COL6A6: variants seen among roughly 807,000 people sequenced by gnomAD.
COL6A6 encodes the protein collagen type VI alpha 6 chain.
COL6A6 carries 183 observed loss-of-function variants against 208.6 expected under a neutral mutation model. The ratio of observed to expected loss-of-function variants is 0.88; its 90% confidence interval spans 0.78 to 0.99. The LOEUF (loss-of-function observed/expected upper bound fraction) is 0.99. Ranked by LOEUF, COL6A6 falls within the 50% of genes least tolerant of loss-of-function variation. COL6A6 has a pLI of 0.00. For synonymous variants in COL6A6, 973 were observed against 1,011.8 expected (o/e 0.96, Z 0.73); for missense variants, 2,816 against 2,815.2 (o/e 1.00, Z -0.01).
At chr3:130,586,392 AACTG>A (rs2063541968) in intron 10 of COL6A6, 110 bp from the exon 11 acceptor site, 1 of 887,378 alleles carries the variant, frequency 1.1e-6, no homozygotes, top group Non-Finnish European at 1.7e-6. Context: ...GTGGACAGTA[AACTG>A]ACTGTTCTTC....
chr3:130,571,145 G>T lies in COL6A6; in HGVS notation c.2729G>T (p.Gly910Val), dbSNP rs778935152. Residue 910 changes from glycine to valine, a missense_variant, in exon 7 of 37, where the codon GGG becomes GTG. Coordinates refer to ENST00000358511, the MANE Select transcript of COL6A6 (RefSeq NM_001102608.3). ...TEARGSRLNK[G>V]VPQVLIVITD... ...GCCCGGGGCAGCCGCCTGAACAAGG[G>T]GGTCCCCCAAGTCCTCATTGTGATC... The T allele has an allele frequency of 1.2e-6, 2 of 1,613,736 alleles. No individual in the cohort carries two copies. Among genetic ancestry groups the T allele is most frequent in the Non-Finnish European group, 1.7e-6 (2 of 1,179,724 alleles).
chr3:130,542,857 G>A (rs532834369), intron 1 of COL6A6, among the ~76,000 whole-genome samples: 14 of 140,780 alleles, frequency 9.9e-5, no homozygotes, highest in African/African-American at 3.7e-4. Context: ...GCTTTATTTT[G>A]CTTAGTGTTA....
At position 130,661,854 on chromosome 3, in the gene COL6A6, T is replaced by TC. The variant is rs745966034; in HGVS notation, c.6054dup (p.Asp2019ArgfsTer12). ...ACCGGGTGGCCCTATTGAGCCATGC[T>TC]CCCCCCGACTTCCTACCCAACACTC... is the stretch of plus-strand genomic sequence containing the variant. On this transcript the variant is annotated frameshift_variant, in exon 35 of 37. Transcript: ENST00000358511. LOFTEE classifies it high-confidence loss of function. 2.5e-6 allele frequency: 4 copies of TC among 1,613,342 alleles called. No homozygotes were observed. The highest frequency in any genetic ancestry group is 3.4e-6 in the Non-Finnish European group (4 of 1,179,780).
intron 20 of COL6A6, 148 bp downstream of exon 20, chr3:130,599,958 TG>T (rs2063963320): frequency 9.6e-6 from 7 of 729,094 alleles, no homozygotes; most frequent in Non-Finnish European, 1.7e-5. Context: ...AGACCAGGGC[TG>T]GCAAAGGACT....
At chr3:130,595,715 G>A (rs2063832550) in intron 18 of COL6A6, among the ~76,000 whole-genome samples, 1 of 152,138 alleles carries the variant, frequency 6.6e-6, no homozygotes, top group Non-Finnish European at 1.5e-5. Flanking sequence ...CTAATGATAG[G>A]TGGGTTGCTC....
At position 130,582,047 on chromosome 3, in the gene COL6A6, T is replaced by A. The variant is rs2063437323; in HGVS notation, c.3949T>A (p.Ser1317Thr). The change falls in exon 10 of 37, where the codon TCT (serine) becomes ACT (threonine). Residue 1317 changes from serine to threonine, a missense_variant. Physicochemically the swap from Ser to Thr is moderately conservative, Grantham distance 58. Coordinates refer to ENST00000358511, the MANE Select transcript of COL6A6 (RefSeq NM_001102608.3). ...DDDVEKLEQK[S>T]DELRKEGLNA... ...TGATGTTGAGAAACTTGAACAAAAA[T>A]CTGATGAACTTAGAAAAGAAGGTAC... is the stretch of plus-strand genomic sequence containing the variant. The A allele has an allele frequency of 1.9e-6, 3 of 1,601,998 alleles. No homozygotes were observed. In the African/African-American group the frequency reaches 4.0e-5, roughly 21 times the overall value.
In COL6A6 at chr3:130,563,513, T is replaced by C. The variant is rs368978984; in HGVS notation, c.510T>C (p.Ser170=). ...TCTCTGTAGGGGTGCAGAAAGCTTC[T>C]GAGGAAAACCTGAAGGCCATGGCCA... ...KIISVGVQKA[S]EENLKAMATS... The change falls in exon 3 of 37, where the codon TCT becomes TCC. Residue 170 remains serine (S), a synonymous_variant. Coordinates refer to ENST00000358511, the MANE Select transcript of COL6A6 (RefSeq NM_001102608.3). 1.2e-5 allele frequency: 20 copies of C among 1,613,894 alleles called. No homozygotes were observed. The highest frequency in any genetic ancestry group is 1.7e-5 in the Admixed American group (1 of 60,006).
intron 19 of COL6A6, among the ~76,000 whole-genome samples, chr3:130,598,738 G>A (rs958362598): frequency 6.6e-5 from 10 of 152,290 alleles, no homozygotes; most frequent in African/African-American, 2.2e-4. Context: ...AGAAAGAACT[G>A]TGCTAGCAAA....
intron 12 of COL6A6, 23 bp downstream of exon 12, chr3:130,589,205 G>A: frequency 6.4e-7 from 1 of 1,566,164 alleles, no homozygotes; most frequent in Non-Finnish European, 8.8e-7. Flanking sequence ...CAGATTTATG[G>A]GTTACTTTGA....
intron 20 of COL6A6, among the ~76,000 whole-genome samples, chr3:130,606,637 TA>T (rs1390865609): frequency 6.6e-6 from 1 of 152,216 alleles, no homozygotes; most frequent in Non-Finnish European, 1.5e-5. Flanking sequence ...AGTAAAAGTT[TA>T]ACAGAGAACA....
At position 130,524,757 on chromosome 3, in the gene COL6A6, AGTT is replaced by A. The variant is rs1260961464; in HGVS notation, c.-32+7364_-32+7366del. Among the ~76,000 whole-genome samples, 3 of 152,174 alleles carry A rather than the reference AGTT, an allele frequency of 2.0e-5. No homozygotes were observed. In the East Asian group the frequency reaches 5.8e-4, roughly 29 times the overall value. On this transcript the variant is annotated intron_variant, in intron 1 of 36. Coordinates refer to ENST00000358511, the MANE Select transcript of COL6A6 (RefSeq NM_001102608.3). ...TGTCATCTCAATCAGCAGTAGCAAAAGTTGTTAAGTTGGGCAGTGTGCTGGGCA... is the reference window on the plus strand; with the variant it reads ...TGTCATCTCAATCAGCAGTAGCAAAAGTTAAGTTGGGCAGTGTGCTGGGCA...
chr3:130,528,909 T>C (rs1249397071), intron 1 of COL6A6, among the ~76,000 whole-genome samples: 1 of 152,134 alleles, frequency 6.6e-6, no homozygotes, highest in Non-Finnish European at 1.5e-5. Flanking sequence ...GGCTGACACG[T>C]TGCATAACCC....
chr3:130,544,191 CTCTATT>C (rs1185577918), intron 1 of COL6A6, among the ~76,000 whole-genome samples: 1 of 152,184 alleles, frequency 6.6e-6, no homozygotes, highest in Non-Finnish European at 1.5e-5. Flanking sequence ...CCATGTCATT[CTCTATT>C]TCTATGTATT....
chr3:130,525,484 G>C (rs561256463), intron 1 of COL6A6, among the ~76,000 whole-genome samples: 1 of 152,092 alleles, frequency 6.6e-6, no homozygotes, highest in Non-Finnish European at 1.5e-5. Context: ...TTTTTTTGCT[G>C]TTTGACTTTT....
intron 36 of COL6A6, among the ~76,000 whole-genome samples, chr3:130,673,220 A>AAACC (rs1553724911): frequency 2.3e-5 from 3 of 129,624 alleles, no homozygotes; most frequent in African/African-American, 8.7e-5. Flanking sequence ...AAAAAAACAA[A>AAACC]AAAAAAAAAC....
intron 1 of COL6A6, among the ~76,000 whole-genome samples, chr3:130,544,260 G>GT (rs1224831623): frequency 1.3e-5 from 2 of 152,120 alleles, no homozygotes; most frequent in Non-Finnish European, 2.9e-5. Context: ...AGATCATGCA[G>GT]TTTTTTTCTT....
chr3:130,600,863 TTAAAA>T (rs953025507), intron 20 of COL6A6, among the ~76,000 whole-genome samples: 5 of 151,874 alleles, frequency 3.3e-5, no homozygotes, highest in Non-Finnish European at 2.9e-5. Context: ...ATCCTGGAAC[TTAAAA>T]TAAAAATAAA....
At position 130,571,313 on chromosome 3, in the gene COL6A6, A is replaced by G; in HGVS notation, c.2897A>G (p.Tyr966Cys). 1.2e-6 allele frequency: 2 copies of G among 1,613,814 alleles called. No homozygotes were observed. Among genetic ancestry groups the G allele is most frequent in the Non-Finnish European group, 1.7e-6 (2 of 1,179,826 alleles). Residue 966 changes from tyrosine to cysteine, a missense_variant, in exon 7 of 37, where the codon TAC (tyrosine) becomes TGC (cysteine). By Grantham distance (194) the Tyr-to-Cys change is radical. Transcript: ENST00000358511. The stretch of plus-strand genomic sequence containing the variant: ...GCCATGGCAGGATCAAGCGACAAGT[A>G]CTTCTTCGTGGAGACTTTTGGAGGT... ...LLAMAGSSDK[Y>C]FFVETFGGLK...
chr3:130,663,715 GC>G (rs1172447151), intron 35 of COL6A6, among the ~76,000 whole-genome samples: 1 of 151,990 alleles, frequency 6.6e-6, no homozygotes, highest in Non-Finnish European at 1.5e-5. Context: ...TAGATAAATG[GC>G]ACCACCCCAC....
Sources: allele counts gnomAD v4.1 joint callset (sites outside exome capture counted in the v4.1 genomes callset), GRCh38; gene constraint gnomAD v4.1.1; transcripts MANE v1.5; gene names NCBI Gene and HGNC (gene_info 2026-07-23, HGNC 2026-07-21).